SORCS1: variants seen among roughly 807,000 people sequenced by gnomAD.
SORCS1 encodes VPS10 domain-containing receptor SorCS1.
SORCS1 carries 60 observed loss-of-function variants against 146.1 expected under a neutral mutation model. The ratio of observed to expected loss-of-function variants is 0.41; its 90% CI spans 0.33 to 0.51. The LOEUF is 0.51. SORCS1 is among the 20% of genes least tolerant of loss of function. The pLI is 0.21. For missense variants in SORCS1, 1,352 were observed against 1,487.6 expected (o/e 0.91, Z 1.50); for synonymous variants, 637 against 584.0 (o/e 1.09, Z -1.31).
intron 1 of SORCS1, among the ~76,000 whole-genome samples, chr10:106,958,996 C>G (rs570550656): frequency 6.6e-6 from 1 of 151,984 alleles, no homozygotes; most frequent in Non-Finnish European, 1.5e-5. Context: ...GATACAAGAC[C>G]GCAGTAAACT....
rs542402977 is a variant in SORCS1, at chr10:107,067,947, A to G, written c.558+96022T>C. Among the ~76,000 whole-genome samples the G allele has an allele frequency of 3.9e-3, 590 of 152,354 alleles. 2 individuals are homozygous for G. The highest frequency in any genetic ancestry group is 0.014 in the African/African-American group (571 of 41,586). ...AGGATGATGATGACTCAAAGCTCCT[A>G]TCTCACAAAGGTGTCAAGAGGAAGA... On this transcript the variant is annotated intron_variant, in intron 1 of 25. Transcript: ENST00000263054.
chr10:107,053,092 T>C (rs1960275979), intron 1 of SORCS1, among the ~76,000 whole-genome samples: 1 of 152,158 alleles, frequency 6.6e-6, no homozygotes, highest in African/African-American at 2.4e-5. Context: ...ATCAAAAGCC[T>C]ACAGTCCAAA....
intron 2 of SORCS1, among the ~76,000 whole-genome samples, chr10:106,951,278 G>A (rs997073746): frequency 2.3e-4 from 35 of 152,038 alleles, no homozygotes; most frequent in African/African-American, 7.5e-4. Context: ...TTGGGAGGCC[G>A]AGGTGGGTGG....
chr10:106,924,481 CT>C (rs1396417063), intron 2 of SORCS1, among the ~76,000 whole-genome samples: 3 of 150,380 alleles, frequency 2.0e-5, no homozygotes, highest in African/African-American at 7.5e-5. Context: ...ATCTATCTAT[CT>C]ATCTATCTAT....
rs113363269 is a variant in SORCS1, at chr10:107,151,297, G to C, written c.558+12672C>G. 9.5e-4 allele frequency among the ~76,000 whole-genome samples: 144 copies of C among 152,222 alleles called. 1 individual carries two copies. Among genetic ancestry groups the C allele is most frequent in the African/African-American group, 3.4e-3 (140 of 41,536 alleles). On this transcript the variant is annotated intron_variant, in intron 1 of 25. Coordinates refer to ENST00000263054, the MANE Select transcript of SORCS1 (RefSeq NM_052918.5). ...TGACATGGACAATGAAGCCCAGTCTGAGGTGATCTCAGATAGAGATGACAA... is the reference window on the plus strand; with the variant it reads ...TGACATGGACAATGAAGCCCAGTCTCAGGTGATCTCAGATAGAGATGACAA...
chr10:106,856,484 C>T (rs74152248), intron 2 of SORCS1, among the ~76,000 whole-genome samples: 4,951 of 152,272 alleles, frequency 0.033, 248 homozygotes, highest in African/African-American at 0.11. Flanking sequence ...TTCCCTTCCC[C>T]CTAGTCAGTT....
intron 1 of SORCS1, among the ~76,000 whole-genome samples, chr10:107,143,650 C>A (rs567885071): frequency 5.9e-5 from 9 of 151,986 alleles, no homozygotes; most frequent in African/African-American, 1.9e-4. Context: ...ATTACAGGCA[C>A]GCGCCACCAC....
At chr10:106,923,817 T>G (rs938540607) in intron 2 of SORCS1, among the ~76,000 whole-genome samples, 1 of 152,268 alleles carries the variant, frequency 6.6e-6, no homozygotes, top group Non-Finnish European at 1.5e-5. Context: ...TTTGTTTGTG[T>G]TTGATTTTTT....
chr10:106,967,850 T>G (rs181973767), intron 1 of SORCS1, among the ~76,000 whole-genome samples: 70 of 152,102 alleles, frequency 4.6e-4, no homozygotes, highest in African/African-American at 1.4e-3. Context: ...AGTTTAGAGC[T>G]GTAAAACAAT....
At chr10:106,723,822 A>AC (rs1368349667) in intron 6 of SORCS1, among the ~76,000 whole-genome samples, 7 of 152,078 alleles carry the variant, frequency 4.6e-5, no homozygotes, top group African/African-American at 1.4e-4. Context: ...TGTGCCATGG[A>AC]CCCCATCAGC....
intron 1 of SORCS1, among the ~76,000 whole-genome samples, chr10:107,094,349 A>C (rs1964408715): frequency 6.6e-6 from 1 of 152,216 alleles, no homozygotes; most frequent in Non-Finnish European, 1.5e-5. Flanking sequence ...TATTCTTCCA[A>C]ACTGACATTA....
At chr10:107,111,198 C>A (rs1965674858) in intron 1 of SORCS1, among the ~76,000 whole-genome samples, 1 of 152,150 alleles carries the variant, frequency 6.6e-6, no homozygotes, top group African/African-American at 2.4e-5. Context: ...CCAAAGGAAA[C>A]TATGAACATT....
At chr10:106,623,760 G>C (rs779485052) in intron 19 of SORCS1, among the ~76,000 whole-genome samples, 1 of 152,084 alleles carries the variant, frequency 6.6e-6, no homozygotes, top group South Asian at 2.1e-4. Flanking sequence ...CCACCTCTCG[G>C]GTTCAAGCAG....
At chr10:107,113,548 G>C (rs569344948) in intron 1 of SORCS1, among the ~76,000 whole-genome samples, 1 of 151,872 alleles carries the variant, frequency 6.6e-6, no homozygotes, top group Non-Finnish European at 1.5e-5. Context: ...AAATTAGCCC[G>C]GCAAGGTGGT....
chr10:106,823,686 A>C (rs779754579), intron 3 of SORCS1, among the ~76,000 whole-genome samples: 1 of 152,232 alleles, frequency 6.6e-6, no homozygotes, highest in Non-Finnish European at 1.5e-5. Context: ...AAGTGAGAGT[A>C]AAGTGCTAGA....
intron 1 of SORCS1, among the ~76,000 whole-genome samples, chr10:106,975,824 A>G (rs1955967210): frequency 6.6e-6 from 1 of 152,118 alleles, no homozygotes; most frequent in South Asian, 2.1e-4. Context: ...AGGCCCCCAG[A>G]GCTTTCTCAA....
intron 1 of SORCS1, among the ~76,000 whole-genome samples, chr10:107,043,886 T>C (rs1210165251): frequency 6.6e-6 from 1 of 152,204 alleles, no homozygotes; most frequent in Non-Finnish European, 1.5e-5. Flanking sequence ...AACCAAATCA[T>C]CTTTCCGAAA....
chr10:106,765,088 T>G (rs1012293763), intron 4 of SORCS1, among the ~76,000 whole-genome samples: 12 of 149,206 alleles, frequency 8.0e-5, no homozygotes, highest in African/African-American at 2.5e-4. Context: ...TTAGTATAAA[T>G]GTTGAAAAAG....
At chr10:106,711,962 G>C (rs1268139965) in intron 6 of SORCS1, among the ~76,000 whole-genome samples, 1 of 152,106 alleles carries the variant, frequency 6.6e-6, no homozygotes, top group Non-Finnish European at 1.5e-5. Flanking sequence ...ATAAGAACTG[G>C]GCTTGAATTC....
Sources: allele counts gnomAD v4.1 joint callset (sites outside exome capture counted in the v4.1 genomes callset), GRCh38; gene constraint gnomAD v4.1.1; transcripts MANE v1.5; gene names NCBI Gene and HGNC (gene_info 2026-07-23, HGNC 2026-07-21).